Variants in ATP1A3 observed in about 807,000 individuals in gnomAD.
ATP1A3 encodes the protein sodium/potassium-transporting ATPase subunit alpha-3.
In ATP1A3, 12 loss-of-function variants were observed where a neutral mutation model predicts 108.8. That is an observed-to-expected ratio of 0.11 (90% confidence interval 0.07 to 0.18). The LOEUF (loss-of-function observed/expected upper bound fraction) is 0.18, where lower values mean the gene tolerates loss of function less well. Ranked by LOEUF, ATP1A3 falls within the 10% of genes least tolerant of loss-of-function variation. The pLI, the probability that ATP1A3 is intolerant of heterozygous loss-of-function variation, is 1.00. For missense variants in ATP1A3, 498 were observed against 1,387.7 expected (o/e 0.36, Z 10.19); for synonymous variants, 539 against 564.5 (o/e 0.95, Z 0.64).
chr19:41,989,085 G>A (rs1202821214), intron 1 of ATP1A3, among the ~76,000 whole-genome samples: 2 of 152,030 alleles, frequency 1.3e-5, no homozygotes, highest in Non-Finnish European at 2.9e-5. Flanking sequence ...GACTACAGGT[G>A]TGTGCCACCA....
Position 41,987,888 on chromosome 19 carries a change from G to A in ATP1A3, c.357+48C>T, listed in dbSNP as rs369813601. The A allele has an allele frequency of 3.9e-5, 63 of 1,602,824 alleles. No individual in the cohort carries two copies. In the African/African-American group the frequency reaches 4.9e-4, roughly 13 times the overall value. On this transcript the variant is annotated intron_variant, in intron 4 of 22. Coordinates refer to ENST00000648268, the MANE Select transcript of ATP1A3 (RefSeq NM_152296.5). ...GGGAAGAAGTTGGGGTGCGGTGTCC[G>A]TAAATAAATGTGCAGAGCCTTGCAC...
At chr19:41,980,103 G>C (rs1403202149) in intron 11 of ATP1A3, among the ~76,000 whole-genome samples, 5 of 152,252 alleles carry the variant, frequency 3.3e-5, no homozygotes, top group African/African-American at 1.2e-4. Flanking sequence ...TGCACAGGCT[G>C]TGCCTGCTAC....
chr19:41,992,243 G>T (rs1555867699), intron 1 of ATP1A3, among the ~76,000 whole-genome samples: 1 of 152,198 alleles, frequency 6.6e-6, no homozygotes, highest in Non-Finnish European at 1.5e-5. Flanking sequence ...GCTCCTGCTT[G>T]CCCTTGACAC....
In ATP1A3 at chr19:41,988,179, A is replaced by T. The variant is rs1366960786; in HGVS notation, c.154-40T>A. 1 of 1,613,312 alleles carries T rather than the reference A, an allele frequency of 6.2e-7. No individual in the cohort carries two copies. Among genetic ancestry groups the T allele is most frequent in the Non-Finnish European group, 8.5e-7 (1 of 1,179,432 alleles). ...ACTCACACAGAACCCTCCCTGGGCAACCCTGGCACCCCAGGCCTTCACCAG... is the reference window on the plus strand; with the variant it reads ...ACTCACACAGAACCCTCCCTGGGCATCCCTGGCACCCCAGGCCTTCACCAG... On this transcript the variant is annotated intron_variant, in intron 3 of 22. Transcript: ENST00000648268. The surrounding 1 kb of genome is among the most constrained non-coding windows in gnomAD (Gnocchi z 5.3).
At chr19:41,971,631 G>C (rs371236367) in intron 16 of ATP1A3, among the ~76,000 whole-genome samples, 3 of 152,124 alleles carry the variant, frequency 2.0e-5, no homozygotes, top group Admixed American at 6.6e-5. Context: ...TGAGTGACAC[G>C]AGCCAGACAC....
chr19:41,987,274 G>A (rs2075295656), intron 4 of ATP1A3, among the ~76,000 whole-genome samples: 1 of 152,108 alleles, frequency 6.6e-6, no homozygotes, highest in Non-Finnish European at 1.5e-5. Flanking sequence ...CACTCTCTGT[G>A]CCTGACTCTC....
At chr19:41,983,766 ATTT>A (rs556483707) in intron 8 of ATP1A3, among the ~76,000 whole-genome samples, 1 of 101,250 alleles carries the variant, frequency 9.9e-6, no homozygotes, top group Admixed American at 1.1e-4. Context: ...ATTTAAAAAA[ATTT>A]TTTTTTTTTT....
intron 4 of ATP1A3, 53 bp downstream of exon 4, chr19:41,987,883 T>A: frequency 6.3e-7 from 1 of 1,596,056 alleles, no homozygotes. Context: ...TGGGGTGCGG[T>A]GTCCGTAAAT....
chr19:41,994,019 A>G (rs1367669149), intron 1 of ATP1A3, 52 bp downstream of exon 1: 3 of 1,607,260 alleles, frequency 1.9e-6, no homozygotes, highest in Non-Finnish European at 2.5e-6. Context: ...ACCCAATGTC[A>G]CCGGCCCCAC....
intron 1 of ATP1A3, chr19:41,993,321 C>T: frequency 6.9e-7 from 1 of 1,448,864 alleles, no homozygotes; most frequent in Non-Finnish European, 9.4e-7. Context: ...GGCAAGGACA[C>T]AGCCAGGCAT....
At chr19:41,979,944 TCACAGCCAAGTCCTCTC>T (rs1356403154) in intron 11 of ATP1A3, among the ~76,000 whole-genome samples, 1 of 152,206 alleles carries the variant, frequency 6.6e-6, no homozygotes, top group Non-Finnish European at 1.5e-5. Flanking sequence ...CTCCTCAGAG[TCACAGCCAAGTCCTCTC>T]CATGCCCGTG....
chr19:41,986,390 C>T (rs2075286927), intron 4 of ATP1A3, 161 bp from the exon 5 acceptor site: 1 of 623,434 alleles, frequency 1.6e-6, no homozygotes, highest in Non-Finnish European at 2.8e-6. Flanking sequence ...CTGAGTCTCC[C>T]CTGTTTGTGC....
chr19:41,968,667 C>T lies in ATP1A3; in HGVS notation c.2819+118G>A. The T allele has an allele frequency of 6.6e-7, 1 of 1,507,996 alleles. No individual in the cohort carries two copies. Among genetic ancestry groups the T allele is most frequent in the Non-Finnish European group, 9.0e-7 (1 of 1,111,278 alleles). The allele number at this position is 1,507,996 out of a possible 1,614,324, so 93.4% of individuals were successfully genotyped here. A position where few individuals can be genotyped will look rare whatever the true frequency, so the allele number is the denominator to read the frequency against. ...CTCCAGTCTGGGTGACAGAGTGAGACCCTGCCTCAACAAAACAACAAAAAA... is the reference window on the plus strand; with the variant it reads ...CTCCAGTCTGGGTGACAGAGTGAGATCCTGCCTCAACAAAACAACAAAAAA... On this transcript the variant is annotated intron_variant, in intron 20 of 22. Transcript: ENST00000648268. The surrounding 1 kb of genome is among the most constrained non-coding windows in gnomAD (Gnocchi z 5.0).
chr19:41,978,823 T>A lies in ATP1A3; in HGVS notation c.1438-25A>T, dbSNP rs1305573268. 3.1e-6 allele frequency: 5 copies of A among 1,612,258 alleles called. No homozygotes were observed. In the African/African-American group the frequency reaches 6.7e-5, roughly 22 times the overall value. On this transcript the variant is annotated intron_variant, in intron 11 of 22. Transcript: ENST00000648268. The surrounding 1 kb of genome is among the most constrained non-coding windows in gnomAD (Gnocchi z 8.3). ...GCTGGGGACCGATCAGAGGGTGGCG[T>A]GCCTGAGCCACGCAGACACCAGGAA... is the stretch of plus-strand genomic sequence containing the variant.
intron 15 of ATP1A3, 123 bp from the exon 16 acceptor site, chr19:41,975,920 C>A: frequency 7.5e-7 from 1 of 1,333,330 alleles, no homozygotes; most frequent in Non-Finnish European, 1.1e-6. Context: ...GGTCCCCAAC[C>A]TCCTCTTCCC....
At chr19:41,969,807 G>A (rs2075082751) in intron 18 of ATP1A3, among the ~76,000 whole-genome samples, 3 of 152,220 alleles carry the variant, frequency 2.0e-5, no homozygotes, top group Non-Finnish European at 2.9e-5. Context: ...GGCTCTCCCA[G>A]AGGGATAACC....
intron 1 of ATP1A3, 131 bp downstream of exon 1, chr19:41,993,940 C>T: frequency 7.3e-6 from 11 of 1,514,952 alleles, no homozygotes; most frequent in Non-Finnish European, 9.8e-6. Flanking sequence ...GCTGGGTCAG[C>T]CGGCTCCCCG....
At chr19:41,991,416 C>A (rs1192696348) in intron 1 of ATP1A3, among the ~76,000 whole-genome samples, 2 of 152,182 alleles carry the variant, frequency 1.3e-5, no homozygotes, top group South Asian at 2.1e-4. Flanking sequence ...GTCTCAGATG[C>A]GGAGGCACAG....
intron 8 of ATP1A3, among the ~76,000 whole-genome samples, chr19:41,982,339 A>C (rs1477532249): frequency 6.6e-6 from 1 of 152,182 alleles, no homozygotes; most frequent in East Asian, 1.9e-4. Flanking sequence ...ATAATAGTGC[A>C]AAACAGCCAG....
Sources: allele counts gnomAD v4.1 joint callset (sites outside exome capture counted in the v4.1 genomes callset), GRCh38; gene constraint gnomAD v4.1.1; non-coding constraint Gnocchi (gnomAD v3.1); transcripts MANE v1.5; gene names NCBI Gene and HGNC (gene_info 2026-07-23, HGNC 2026-07-21).